Variants in TIAM1 observed in about 807,000 individuals in gnomAD.
TIAM1 encodes rho guanine nucleotide exchange factor TIAM1.
A neutral mutation model predicts 163.5 loss-of-function variants in TIAM1; 65 were observed. That is an observed-to-expected ratio of 0.40 (90% CI 0.33 to 0.49). TIAM1 has a LOEUF of 0.49. Ranked by LOEUF, TIAM1 falls within the 20% of genes least tolerant of loss-of-function variation. The pLI is 0.77. For missense variants in TIAM1, 1,789 were observed against 2,044.7 expected, an observed-to-expected ratio of 0.87 and a Z score of 2.41; for synonymous variants, 833 against 810.1, an observed-to-expected ratio of 1.03 and a Z score of -0.48.
At chr21:31,140,226 AC>A (rs1395628902) in intron 22 of TIAM1, among the ~76,000 whole-genome samples, 2 of 152,160 alleles carry the variant, frequency 1.3e-5, no homozygotes, top group Non-Finnish European at 2.9e-5. Flanking sequence ...ACACTAAACA[AC>A]CAAACTTTGC....
intron 23 of TIAM1, among the ~76,000 whole-genome samples, chr21:31,132,395 G>C (rs555750247): frequency 2.6e-5 from 4 of 152,114 alleles, no homozygotes; most frequent in Non-Finnish European, 4.4e-5. Flanking sequence ...CAGACTGGCA[G>C]GTTCCCCACA....
Position 31,281,986 on chromosome 21 carries a change from G to A in TIAM1, c.-188-5078C>T, listed in dbSNP as rs189516385. Among the ~76,000 whole-genome samples, 347 of 152,234 alleles carry A rather than the reference G, an allele frequency of 2.3e-3. 1 individual carries two copies. Among genetic ancestry groups the A allele is most frequent in the Admixed American group, 4.6e-3 (71 of 15,292 alleles). ...CATCACTTTTTAAACTGTTACTTAA[G>A]AAAAAACTTGGGAATGACTTCTAAG... On this transcript the variant is annotated intron_variant, in intron 2 of 27. Transcript: ENST00000541036.
intron 26 of TIAM1, 95 bp downstream of exon 26, chr21:31,126,970 C>T: frequency 1.6e-6 from 2 of 1,239,914 alleles, no homozygotes; most frequent in Middle Eastern, 1.9e-4. Flanking sequence ...ACAGTACAAA[C>T]AACGTACCAA....
Position 31,395,623 on chromosome 21 carries a change from C to T in TIAM1, c.-368-56201G>A, listed in dbSNP as rs1219880977. Reference sequence around the variant, plus strand: ...CGTTACATTTCTCCACATAAATGAACTTACACAGAGGGCATGGGGGTAGTA... The same window carrying T: ...CGTTACATTTCTCCACATAAATGAATTTACACAGAGGGCATGGGGGTAGTA... On this transcript the variant is annotated intron_variant, in intron 2 of 28. Coordinates refer to the TIAM1 transcript ENST00000286827. The surrounding 1 kb of genome is among the most constrained non-coding windows in gnomAD (Gnocchi z 7.5). Among the ~76,000 whole-genome samples, 3 of 152,168 alleles carry T rather than the reference C, an allele frequency of 2.0e-5. No homozygotes were observed. The highest frequency in any genetic ancestry group is 7.2e-5 in the African/African-American group (3 of 41,460).
intron 2 of TIAM1, among the ~76,000 whole-genome samples, chr21:31,359,805 AAAGGAAGG>A (rs767750965): frequency 0.14 from 12,419 of 90,606 alleles, 888 homozygotes; most frequent in Non-Finnish European, 0.15. Flanking sequence ...AAAGAAAGAA[AAAGGAAGG>A]AAGGAAGGAA....
At chr21:31,421,021 C>T (rs1451353646) in intron 2 of TIAM1, among the ~76,000 whole-genome samples, 1 of 151,626 alleles carries the variant, frequency 6.6e-6, no homozygotes, top group Non-Finnish European at 1.5e-5. Context: ...ACTTCGGAGG[C>T]TGAGGCAGGG....
chr21:31,405,278 C>T (rs563595217), intron 2 of TIAM1, among the ~76,000 whole-genome samples: 2 of 152,146 alleles, frequency 1.3e-5, no homozygotes, highest in East Asian at 1.9e-4. Flanking sequence ...ATCACAATAA[C>T]AAAAAACTTG....
At chr21:31,344,732 T>C (rs573032989), upstream of TIAM1, among the ~76,000 whole-genome samples, 10 of 152,290 alleles carry the variant, frequency 6.6e-5, no homozygotes, top group South Asian at 2.1e-3. Context: ...TTCTTTCATA[T>C]GTACTAGAAA....
intron 15 of TIAM1, 44 bp from the exon 16 acceptor site, chr21:31,165,109 T>C (rs2084143510): frequency 1.3e-6 from 2 of 1,595,600 alleles, no homozygotes; most frequent in African/African-American, 1.3e-5. Context: ...ACATGGACAG[T>C]AATTGCTAAA....
chr21:31,197,302 A>G (rs1277216642), intron 12 of TIAM1, among the ~76,000 whole-genome samples: 1 of 152,244 alleles, frequency 6.6e-6, no homozygotes, highest in Non-Finnish European at 1.5e-5. Flanking sequence ...GCTTTGTACA[A>G]AGTCAAGATA....
chr21:31,312,557 T>C (rs1343362223), intron 2 of TIAM1, among the ~76,000 whole-genome samples: 1 of 152,198 alleles, frequency 6.6e-6, no homozygotes, highest in Non-Finnish European at 1.5e-5. Flanking sequence ...GATTTTTAAA[T>C]TATTTCTCTT....
At chr21:31,511,102 C>A (rs553036531) in intron 1 of TIAM1, among the ~76,000 whole-genome samples, 3 of 152,332 alleles carry the variant, frequency 2.0e-5, no homozygotes, top group African/African-American at 7.2e-5. Flanking sequence ...TTCTACACAG[C>A]ATCACAGGAG....
chr21:31,460,853 T>C (rs2045299404), intron 2 of TIAM1, among the ~76,000 whole-genome samples: 1 of 152,238 alleles, frequency 6.6e-6, no homozygotes, highest in African/African-American at 2.4e-5. Context: ...TAAACTCCTG[T>C]TTTTATATTA....
chr21:31,450,005 G>GT (rs1242404875), intron 2 of TIAM1, among the ~76,000 whole-genome samples: 4 of 152,140 alleles, frequency 2.6e-5, no homozygotes, highest in African/African-American at 9.7e-5. Context: ...CAGCAACCAC[G>GT]TAACTGGCCT....
intron 2 of TIAM1, among the ~76,000 whole-genome samples, chr21:31,291,691 T>G (rs2074028561): frequency 6.6e-6 from 1 of 152,152 alleles, no homozygotes; most frequent in Non-Finnish European, 1.5e-5. Flanking sequence ...CCTGGCTAAT[T>G]TTTGTATTTT....
intron 1 of TIAM1, among the ~76,000 whole-genome samples, chr21:31,496,752 C>T (rs1454414603): frequency 6.6e-6 from 1 of 152,144 alleles, no homozygotes; most frequent in Non-Finnish European, 1.5e-5. Context: ...GTCCTGCAAG[C>T]TCCACTCATG....
At chr21:31,140,363 G>A (rs574309752) in intron 22 of TIAM1, among the ~76,000 whole-genome samples, 2 of 152,286 alleles carry the variant, frequency 1.3e-5, no homozygotes, top group East Asian at 3.9e-4. Flanking sequence ...AGTTGAATTT[G>A]AGCATACAGA....
intron 10 of TIAM1, among the ~76,000 whole-genome samples, chr21:31,211,911 G>A (rs1349462282): frequency 1.3e-5 from 2 of 152,184 alleles, no homozygotes; most frequent in African/African-American, 4.8e-5. Flanking sequence ...GAAATCCAAT[G>A]GAAAAACTTT....
intron 1 of TIAM1, among the ~76,000 whole-genome samples, chr21:31,496,498 T>C (rs571751070): frequency 6.6e-6 from 1 of 151,600 alleles, no homozygotes; most frequent in South Asian, 2.1e-4. Flanking sequence ...AACTATCTTT[T>C]GTACAGCTGT....
Sources: allele counts gnomAD v4.1 joint callset (sites outside exome capture counted in the v4.1 genomes callset), GRCh38; gene constraint gnomAD v4.1.1; non-coding constraint Gnocchi (gnomAD v3.1); transcripts MANE v1.5; gene names NCBI Gene and HGNC (gene_info 2026-07-23, HGNC 2026-07-21).